PPP1R14C: variants seen among roughly 807,000 people sequenced by gnomAD.
The protein encoded by PPP1R14C is protein phosphatase 1 regulatory subunit 14C.
Under a neutral mutation model 20.4 loss-of-function variants are expected in PPP1R14C, and 16 were observed. The observed-to-expected ratio is 0.78, with a 90% CI of 0.53 to 1.19. The LOEUF is 1.19. Among genes scored for constraint, PPP1R14C ranks in the 50% most tolerant of loss-of-function variants. PPP1R14C has a pLI of 0.00. For missense variants in PPP1R14C, 211 were observed against 220.1 expected (o/e 0.96, Z 0.26); for synonymous variants, 91 against 91.0 (o/e 1.00, Z 0.00).
intron 1 of PPP1R14C, among the ~76,000 whole-genome samples, chr6:150,167,938 T>C (rs1777441939): frequency 8.8e-5 from 1 of 11,368 alleles, no homozygotes; most frequent in Non-Finnish European, 1.5e-4. Flanking sequence ...TCTCTCCATG[T>C]CTCCGTTCTC....
chr6:150,168,878 AATTATT>A (rs1002853084), intron 1 of PPP1R14C, among the ~76,000 whole-genome samples: 2 of 152,082 alleles, frequency 1.3e-5, no homozygotes, highest in Non-Finnish European at 2.9e-5. Flanking sequence ...ATCGATAGAA[AATTATT>A]ATTATTATTT....
chr6:150,163,276 AGCTACTCGGGAG>A (rs1777390468), intron 1 of PPP1R14C, among the ~76,000 whole-genome samples: 1 of 152,128 alleles, frequency 6.6e-6, no homozygotes, highest in South Asian at 2.1e-4. Flanking sequence ...CTGTAGTCCC[AGCTACTCGGGAG>A]GCTGAGGCAG....
chr6:150,240,202 G>A (rs1372082396), intron 3 of PPP1R14C, among the ~76,000 whole-genome samples: 1 of 152,234 alleles, frequency 6.6e-6, no homozygotes, highest in African/African-American at 2.4e-5. Context: ...CATTAGGAAT[G>A]AGAGAGGTGA....
chr6:150,166,340 A>G (rs1185056792), intron 1 of PPP1R14C, among the ~76,000 whole-genome samples: 1 of 152,086 alleles, frequency 6.6e-6, no homozygotes, highest in Non-Finnish European at 1.5e-5. Context: ...TCGGCCTCCC[A>G]AAGTGCTGGG....
chr6:150,213,661 T>A (rs999438070), intron 1 of PPP1R14C, among the ~76,000 whole-genome samples: 4 of 152,226 alleles, frequency 2.6e-5, no homozygotes, highest in African/African-American at 9.6e-5. Context: ...TCTTTTATTT[T>A]GACATTTTAA....
At chr6:150,193,519 G>A (rs2114889826) in intron 1 of PPP1R14C, among the ~76,000 whole-genome samples, 1 of 152,072 alleles carries the variant, frequency 6.6e-6, no homozygotes, top group East Asian at 1.9e-4. Context: ...GAGCTACGAC[G>A]GGAAAGAGAT....
At chr6:150,216,699 A>T (rs1778098404) in intron 2 of PPP1R14C, 125 bp from the exon 3 acceptor site, 1 of 687,048 alleles carries the variant, frequency 1.5e-6, no homozygotes, top group Non-Finnish European at 2.5e-6. Context: ...GTTTCTAGAT[A>T]GTATGAAATC....
intron 1 of PPP1R14C, among the ~76,000 whole-genome samples, chr6:150,173,743 A>G (rs1464441682): frequency 6.6e-6 from 1 of 152,082 alleles, no homozygotes; most frequent in East Asian, 1.9e-4. Flanking sequence ...CTAGGAATGG[A>G]GGCCCGCAGA....
At chr6:150,198,772 G>A (rs138151002) in intron 1 of PPP1R14C, among the ~76,000 whole-genome samples, 1,852 of 152,312 alleles carry the variant, frequency 0.012, 20 homozygotes, top group Non-Finnish European at 0.02. Flanking sequence ...CCAGGGAAAA[G>A]GGTGTCTTTC....
chr6:150,154,633 C>T (rs1239267082), intron 1 of PPP1R14C, among the ~76,000 whole-genome samples: 1 of 152,148 alleles, frequency 6.6e-6, no homozygotes, highest in African/African-American at 2.4e-5. Context: ...CAAGGCAAAC[C>T]TGAGACAAGG....
intron 1 of PPP1R14C, among the ~76,000 whole-genome samples, chr6:150,188,977 G>A (rs1050316612): frequency 6.6e-6 from 1 of 151,886 alleles, no homozygotes; most frequent in Non-Finnish European, 1.5e-5. Flanking sequence ...TCCTGCCTCA[G>A]CCTCCTGAGT....
chr6:150,246,327 C>T (rs1778490956), intron 3 of PPP1R14C, among the ~76,000 whole-genome samples: 1 of 151,808 alleles, frequency 6.6e-6, no homozygotes, highest in South Asian at 2.1e-4. Context: ...AGCTTACATT[C>T]AAATACTGAA....
chr6:150,214,462 A>C (rs1778065338), intron 1 of PPP1R14C, among the ~76,000 whole-genome samples: 3 of 138,808 alleles, frequency 2.2e-5, no homozygotes, highest in Non-Finnish European at 3.1e-5. Flanking sequence ...CTTTTCCCCT[A>C]CTCTCCTTTT....
chr6:150,148,204 G>T (rs1240182351), intron 1 of PPP1R14C, among the ~76,000 whole-genome samples: 1 of 152,208 alleles, frequency 6.6e-6, no homozygotes, highest in Non-Finnish European at 1.5e-5. Flanking sequence ...CACTGGCCGA[G>T]TACTTAGCAC....
At chr6:150,160,204 C>T (rs1206647927) in intron 1 of PPP1R14C, among the ~76,000 whole-genome samples, 1 of 151,954 alleles carries the variant, frequency 6.6e-6, no homozygotes, top group Non-Finnish European at 1.5e-5. Flanking sequence ...CAGCTACTCC[C>T]TCCCTTTCCA....
At chr6:150,195,741 AT>A (rs370222163) in intron 1 of PPP1R14C, 1,551 of 575,734 alleles carry the variant, frequency 2.7e-3, no homozygotes, top group Non-Finnish European at 3.1e-3. Flanking sequence ...TACATTTACT[AT>A]TTTTTTTTGC....
In PPP1R14C at chr6:150,249,257, TAC is replaced by T. The variant is rs1489666537; in HGVS notation, c.*443_*444del. On this transcript the variant is annotated 3_prime_UTR_variant, in exon 4 of 4. Transcript: ENST00000361131. ...CAAATTTCTCACACTTGTATATATC[TAC>T]ACACAACTAAGTTAAAATGTTGATG... The T allele has an allele frequency of 1.5e-5, 6 of 399,324 alleles. No individual in the cohort carries two copies. The East Asian group carries it at 2.1e-4, about 14-fold the overall frequency. The allele number at this position is 399,324 out of a possible 1,614,324, so 24.7% of individuals were successfully genotyped here. A position where few individuals can be genotyped will look rare whatever the true frequency, so the allele number is the denominator to read the frequency against.
chr6:150,241,271 C>T (rs149139065), intron 3 of PPP1R14C, among the ~76,000 whole-genome samples: 279 of 152,184 alleles, frequency 1.8e-3, no homozygotes, highest in African/African-American at 6.4e-3. Context: ...GGAGAGGGGC[C>T]CAGAGAGGGC....
chr6:150,218,474 A>ACCC lies in PPP1R14C; in HGVS notation c.423+1627_423+1629dup, dbSNP rs761314559. On this transcript the variant is annotated intron_variant, in intron 3 of 3. Transcript: ENST00000361131. Reference sequence around the variant, plus strand: ...ATTAATGTAATACTAATACATCTGAACCCCCCCCCCCAAAAAAAAATTCTG... The same window carrying ACCC: ...ATTAATGTAATACTAATACATCTGAACCCCCCCCCCCCCCAAAAAAAAATTCTG... 4.4e-3 allele frequency among the ~76,000 whole-genome samples: 433 copies of ACCC among 98,128 alleles called. 6 individuals are homozygous for ACCC. Among genetic ancestry groups the ACCC allele is most frequent in the East Asian group, 0.042 (102 of 2,440 alleles). 64.4% of individuals were successfully genotyped at this position (98,128 alleles called of 152,430 possible).
Sources: allele counts gnomAD v4.1 joint callset (sites outside exome capture counted in the v4.1 genomes callset), GRCh38; gene constraint gnomAD v4.1.1; transcripts MANE v1.5; gene names NCBI Gene and HGNC (gene_info 2026-07-23, HGNC 2026-07-21).